The following ZNF569 variants were observed in gnomAD, a reference collection of about 807,000 sequenced individuals.
The protein encoded by ZNF569 is zinc finger protein 569.
A neutral mutation model predicts 56.3 loss-of-function variants in ZNF569; 38 were observed. The observed-to-expected ratio is 0.68, with a 90% CI of 0.52 to 0.88. ZNF569 has a LOEUF of 0.88. ZNF569 is among the 40% of genes least tolerant of loss of function. The pLI is 0.00. For synonymous variants in ZNF569, 241 were observed against 262.9 expected (o/e 0.92, Z 0.81); for missense variants, 666 against 809.2 (o/e 0.82, Z 2.15).
upstream of ZNF569, chr19:37,469,228 C>T (rs760943812): frequency 1.8e-5 from 25 of 1,353,258 alleles, no homozygotes; most frequent in African/African-American, 5.9e-5. Flanking sequence ...CTGCGCGGAG[C>T]TGCACCGCTG....
At chr19:37,468,985 T>C (rs2041902941), upstream of ZNF569, 1 of 920,884 alleles carries the variant, frequency 1.1e-6, no homozygotes, top group African/African-American at 1.8e-5. Flanking sequence ...ACAAACCTTT[T>C]CCCTGCGGCC....
chr19:37,436,355 T>A (rs1206694833), intron 3 of ZNF569, among the ~76,000 whole-genome samples: 1 of 151,718 alleles, frequency 6.6e-6, no homozygotes, highest in African/African-American at 2.4e-5. Context: ...AAAAGGAAAG[T>A]TTATAGCTAT....
At chr19:37,432,154 T>C (rs1353321580) in intron 3 of ZNF569, among the ~76,000 whole-genome samples, 1 of 152,182 alleles carries the variant, frequency 6.6e-6, no homozygotes, top group Admixed American at 6.5e-5. Flanking sequence ...ACCTGCTGAC[T>C]GTAGAGTGAT....
rs775862556 is a variant in ZNF569 at position 37,432,902 on chromosome 19, GTCTT to G, written c.16-6528_16-6525del. ...AACGGACAAACTAAAGAATGCATCA[GTCTT>G]TTTTTTTTTTTTTTTTTTTGAGACA... is the stretch of plus-strand genomic sequence containing the variant. On this transcript the variant is annotated intron_variant, in intron 3 of 5. Transcript: ENST00000316950. Among the ~76,000 whole-genome samples, 918 of 144,494 alleles carry G rather than the reference GTCTT, an allele frequency of 6.4e-3. 21 individuals are homozygous for G. Among genetic ancestry groups the G allele is most frequent in the East Asian group, 0.048 (236 of 4,906 alleles). 94.8% of individuals were successfully genotyped at this position (144,494 alleles called of 152,430 possible).
At chr19:37,423,008 A>C (rs1270728006) in intron 5 of ZNF569, among the ~76,000 whole-genome samples, 1 of 152,256 alleles carries the variant, frequency 6.6e-6, no homozygotes, top group Non-Finnish European at 1.5e-5. Context: ...AAAACATTTG[A>C]AAATACAGAT....
intron 2 of ZNF569, among the ~76,000 whole-genome samples, chr19:37,449,920 AT>A (rs2041564848): frequency 6.6e-6 from 1 of 152,010 alleles, no homozygotes; most frequent in African/African-American, 2.4e-5. Flanking sequence ...GCTGTTTTCT[AT>A]TTGCTCCTTT....
At chr19:37,464,558 T>C (rs1228454204) in intron 2 of ZNF569, among the ~76,000 whole-genome samples, 1 of 152,194 alleles carries the variant, frequency 6.6e-6, no homozygotes, top group Non-Finnish European at 1.5e-5. Flanking sequence ...GTCTTACTAC[T>C]GTGTTACAGT....
chr19:37,424,631 T>C (rs1014124549), intron 5 of ZNF569, among the ~76,000 whole-genome samples: 1 of 150,718 alleles, frequency 6.6e-6, no homozygotes, highest in Non-Finnish European at 1.5e-5. Flanking sequence ...CTGGCCAACA[T>C]AGTGAAACCC....
At chr19:37,458,358 C>G (rs2146970212) in intron 2 of ZNF569, among the ~76,000 whole-genome samples, 1 of 152,302 alleles carries the variant, frequency 6.6e-6, no homozygotes, top group South Asian at 2.1e-4. Flanking sequence ...TCCAGCCATA[C>G]ATAATTACAT....
chr19:37,445,050 G>T, intron 2 of ZNF569, 86 bp from the exon 3 acceptor site: 1 of 965,362 alleles, frequency 1.0e-6, no homozygotes. Flanking sequence ...AGGTCACCCT[G>T]TAGTGGAATG....
rs559563051 is a variant in ZNF569, at chr19:37,447,929, A to G, written c.-43-2965T>C. 4.6e-5 allele frequency among the ~76,000 whole-genome samples: 7 copies of G among 152,346 alleles called. No individual in the cohort carries two copies. The South Asian group carries it at 1.4e-3, about 32-fold the overall frequency. The stretch of plus-strand genomic sequence containing the variant: ...AAAGGATGAACTGGAAATTCATCTC[A>G]TATTCCCAAGATGAACCCTATTGTG... On this transcript the variant is annotated intron_variant, in intron 2 of 5. Transcript: ENST00000316950.
intron 3 of ZNF569, among the ~76,000 whole-genome samples, chr19:37,433,541 T>A (rs989670443): frequency 6.6e-6 from 1 of 152,066 alleles, no homozygotes; most frequent in Non-Finnish European, 1.5e-5. Flanking sequence ...TAAGACTACT[T>A]CAAGACACTT....
rs2079040682 is a variant in ZNF569, at chr19:37,467,364, G to T, written c.-485C>A. 6.4e-6 allele frequency: 1 copy of T among 155,596 alleles called. No individual in the cohort carries two copies. The highest frequency in any genetic ancestry group is 1.9e-4 in the East Asian group (1 of 5,266). 9.6% of individuals were successfully genotyped at this position (155,596 alleles called of 1,614,324 possible). A position where few individuals can be genotyped will look rare whatever the true frequency, so the allele number is the denominator to read the frequency against. On this transcript the variant is annotated 5_prime_UTR_variant, in exon 1 of 6. Coordinates refer to ENST00000316950, the MANE Select transcript of ZNF569 (RefSeq NM_152484.3). The stretch of plus-strand genomic sequence containing the variant: ...AGCTCAGCCTAGGTTTTGCACGAGC[G>T]GCCTCCCGCGAGCCCAGCTCTGAGA...
chr19:37,414,484 T>G (rs2040895938), intron 5 of ZNF569, 65 bp from the exon 6 acceptor site: 2 of 1,507,532 alleles, frequency 1.3e-6, no homozygotes, highest in Non-Finnish European at 1.8e-6. Context: ...ATGAAGAACA[T>G]TTTGAAAAAT....
Position 37,413,611 on chromosome 19 carries a change from T to G in ZNF569, c.1047A>C (p.Thr349=). 6.2e-7 allele frequency: 1 copy of G among 1,613,906 alleles called. No individual in the cohort carries two copies. The highest frequency in any genetic ancestry group is 1.1e-5 in the South Asian group (1 of 91,062). ...TATCACATTTATAAGGTTTTTCTCC[T>G]GTATGACTTCTCATATGAAGAGCAA... ...ASLALHMRSH[T]GEKPYKCDKC... The change falls in exon 6 of 6, where the codon ACA becomes ACC. Residue 349 remains threonine, a synonymous_variant. Coordinates refer to ENST00000316950, the MANE Select transcript of ZNF569 (RefSeq NM_152484.3).
At chr19:37,461,540 C>T (rs539489824) in intron 2 of ZNF569, among the ~76,000 whole-genome samples, 48 of 152,032 alleles carry the variant, frequency 3.2e-4, no homozygotes, top group Non-Finnish European at 5.4e-4. Flanking sequence ...CTCTTGATCT[C>T]GCAATGTGCC....
chr19:37,416,258 CAAAAAAACA>C (rs138829196), intron 5 of ZNF569, among the ~76,000 whole-genome samples: 4,480 of 129,046 alleles, frequency 0.035, 206 homozygotes, highest in African/African-American at 0.11. Flanking sequence ...AACAAAAAAA[CAAAAAAACA>C]AAAAAAAAAA....
At chr19:37,425,616 A>G in intron 5 of ZNF569, 1 of 254,096 alleles carries the variant, frequency 3.9e-6, no homozygotes, top group Non-Finnish European at 7.5e-6. Context: ...CCACTGTGCC[A>G]GGCCCAATTT....
At chr19:37,430,583 A>T (rs1157007664) in intron 3 of ZNF569, among the ~76,000 whole-genome samples, 3 of 143,618 alleles carry the variant, frequency 2.1e-5, no homozygotes, top group Non-Finnish European at 4.5e-5. Flanking sequence ...AAGTTCTGAA[A>T]GAAAAAAAAA....
Sources: gnomAD v4.1 joint callset for allele counts (sites outside exome capture counted in the v4.1 genomes callset) on GRCh38, gnomAD v4.1.1 for gene constraint, MANE v1.5 for transcripts, NCBI Gene and HGNC (gene_info 2026-07-23, HGNC 2026-07-21) for gene names.